The following PTPRD variants were observed in gnomAD, a reference collection of about 807,000 sequenced individuals.
The protein encoded by PTPRD is protein tyrosine phosphatase receptor type D.
In PTPRD, 34 loss-of-function variants were observed where a neutral mutation model predicts 214.5. The observed-to-expected ratio is 0.16, with a 90% CI of 0.12 to 0.21. The LOEUF is 0.21. PTPRD is among the 10% of genes least tolerant of loss of function. The pLI is 1.00. For missense variants in PTPRD, 2,545 were observed against 2,398.7 expected, an observed-to-expected ratio of 1.06 and a Z score of -1.27; for synonymous variants, 1,128 against 845.7, an observed-to-expected ratio of 1.33 and a Z score of -5.79.
chr9:8,669,033 G>T (rs936429836), intron 12 of PTPRD, among the ~76,000 whole-genome samples: 1 of 152,038 alleles, frequency 6.6e-6, no homozygotes, highest in Non-Finnish European at 1.5e-5. Context: ...GGAGTTCAGC[G>T]GAGAGAGAGA....
chr9:9,584,758 A>C (rs1390154562), intron 7 of PTPRD, among the ~76,000 whole-genome samples: 3 of 151,754 alleles, frequency 2.0e-5, no homozygotes, highest in Non-Finnish European at 4.4e-5. Flanking sequence ...AATGACAACA[A>C]ATTTCTCATT....
At chr9:10,267,593 TAG>T (rs1174870311) in intron 3 of PTPRD, among the ~76,000 whole-genome samples, 1 of 152,208 alleles carries the variant, frequency 6.6e-6, no homozygotes, top group South Asian at 2.1e-4. Flanking sequence ...TAAGAATAAC[TAG>T]AGTTTATTTT....
intron 8 of PTPRD, among the ~76,000 whole-genome samples, chr9:9,521,976 G>A (rs2096985874): frequency 6.6e-6 from 1 of 151,954 alleles, no homozygotes; most frequent in Non-Finnish European, 1.5e-5. Context: ...TGACCAACGT[G>A]GAGAAACCCT....
chr9:8,896,506 A>G (rs534035586), intron 11 of PTPRD, among the ~76,000 whole-genome samples: 2 of 152,342 alleles, frequency 1.3e-5, no homozygotes, highest in East Asian at 1.9e-4. Context: ...AAATTTCATT[A>G]TAAAGAATCA....
rs116463314 is a variant in PTPRD, at chr9:10,598,590, G to A, written c.-600+13808C>T. Among the ~76,000 whole-genome samples, 294 of 151,656 alleles carry A rather than the reference G, an allele frequency of 1.9e-3. 1 individual carries two copies. Among genetic ancestry groups the A allele is most frequent in the African/African-American group, 6.9e-3 (287 of 41,420 alleles). On this transcript the variant is annotated intron_variant, in intron 2 of 45. Transcript: ENST00000381196. ...TTTCACCTTTACTTCTGAGAAATTT[G>A]CCATAAGAATTTGGCATTCAACATT...
At chr9:9,547,071 C>A (rs1008751748) in intron 8 of PTPRD, among the ~76,000 whole-genome samples, 1 of 151,908 alleles carries the variant, frequency 6.6e-6, no homozygotes, top group African/African-American at 2.4e-5. Context: ...TGCTTGGTAA[C>A]AACAGCTATC....
At chr9:9,092,136 C>T (rs1444992168) in intron 10 of PTPRD, among the ~76,000 whole-genome samples, 3 of 152,294 alleles carry the variant, frequency 2.0e-5, no homozygotes, top group South Asian at 4.1e-4. Context: ...TTGTTACCAA[C>T]ATGCTACTGT....
intron 12 of PTPRD, among the ~76,000 whole-genome samples, chr9:8,729,898 T>A (rs944437439): frequency 2.0e-5 from 3 of 152,190 alleles, no homozygotes; most frequent in African/African-American, 7.2e-5. Flanking sequence ...AACTCCATGG[T>A]CTACAGTGAT....
intron 9 of PTPRD, among the ~76,000 whole-genome samples, chr9:9,187,943 T>G (rs1314991079): frequency 1.3e-5 from 2 of 151,946 alleles, no homozygotes; most frequent in Non-Finnish European, 2.9e-5. Context: ...CAATATATAA[T>G]GCACTTATAG....
chr9:10,478,885 T>C (rs555049247), intron 2 of PTPRD, among the ~76,000 whole-genome samples: 1 of 152,108 alleles, frequency 6.6e-6, no homozygotes, highest in Non-Finnish European at 1.5e-5. Context: ...TACTATCCAG[T>C]GAGATCTTGA....
At chr9:8,459,938 T>C (rs1384913597) in intron 33 of PTPRD, among the ~76,000 whole-genome samples, 1 of 152,128 alleles carries the variant, frequency 6.6e-6, no homozygotes, top group African/African-American at 2.4e-5. Flanking sequence ...CTGCTTTTGC[T>C]AAATTTTGAG....
At chr9:10,341,826 T>C (rs959206284) in intron 2 of PTPRD, among the ~76,000 whole-genome samples, 11 of 152,062 alleles carry the variant, frequency 7.2e-5, no homozygotes, top group Non-Finnish European at 1.3e-4. Context: ...TCCTAAGTAA[T>C]ATTAATTCTT....
chr9:8,330,182 T>TAG (rs1838593468), intron 44 of PTPRD, among the ~76,000 whole-genome samples: 2 of 152,094 alleles, frequency 1.3e-5, no homozygotes, highest in South Asian at 4.2e-4. Context: ...CACCCTGCTT[T>TAG]AGCTCACCCT....
intron 2 of PTPRD, among the ~76,000 whole-genome samples, chr9:10,600,705 C>A (rs1341876247): frequency 6.6e-6 from 1 of 151,650 alleles, no homozygotes; most frequent in East Asian, 1.9e-4. Context: ...ATTTGTTGTG[C>A]AGAATAATAT....
At chr9:9,013,261 C>T (rs777263753) in intron 11 of PTPRD, among the ~76,000 whole-genome samples, 12 of 151,946 alleles carry the variant, frequency 7.9e-5, no homozygotes, top group East Asian at 1.9e-4. Flanking sequence ...ACGAGGCCAC[C>T]GACACTAGAA....
chr9:10,291,557 A>G (rs1157434968), intron 3 of PTPRD, among the ~76,000 whole-genome samples: 2 of 152,050 alleles, frequency 1.3e-5, no homozygotes, highest in African/African-American at 4.8e-5. Flanking sequence ...AGAAGCAGAG[A>G]GAGAGACTTG....
chr9:8,398,718 C>T lies in PTPRD; in HGVS notation c.4210+5819G>A, dbSNP rs529743658. Among the ~76,000 whole-genome samples the T allele has an allele frequency of 2.0e-5, 3 of 152,224 alleles. No individual in the cohort carries two copies. The East Asian group carries it at 5.8e-4, about 30-fold the overall frequency. ...GCCATGTAAGGACACAGCATTCTTT[C>T]CCTCAGGGGATGCAGCAAAACAGAG... On this transcript the variant is annotated intron_variant, in intron 36 of 45. Transcript: ENST00000381196.
At position 10,112,109 on chromosome 9, in the gene PTPRD, T is replaced by TA. The variant is rs2098696303; in HGVS notation, c.-544-78320_-544-78319insT. Among the ~76,000 whole-genome samples, 13 of 152,312 alleles carry TA rather than the reference T, an allele frequency of 8.5e-5. No homozygotes were observed. In the South Asian group the frequency reaches 2.7e-3, roughly 32 times the overall value. ...ACCTGAAGGGAAGAAGCATGCCAGA[T>TA]TTCCCCTTTTGCCCTAAGTGCTTTT... On this transcript the variant is annotated intron_variant, in intron 3 of 45. Coordinates refer to ENST00000381196, the MANE Select transcript of PTPRD (RefSeq NM_002839.4).
chr9:9,084,573 GAC>G (rs1183561232), intron 10 of PTPRD, among the ~76,000 whole-genome samples: 1 of 151,890 alleles, frequency 6.6e-6, no homozygotes, highest in Non-Finnish European at 1.5e-5. Flanking sequence ...AGTTCCCACT[GAC>G]ACACATTTCT....
Sources: allele counts gnomAD v4.1 joint callset (sites outside exome capture counted in the v4.1 genomes callset), GRCh38; gene constraint gnomAD v4.1.1; transcripts MANE v1.5; gene names NCBI Gene and HGNC (gene_info 2026-07-23, HGNC 2026-07-21).